The following FECH variants were observed in gnomAD, a reference collection of about 807,000 sequenced individuals.
FECH encodes ferrochelatase, mitochondrial.
Under a neutral mutation model 56.9 loss-of-function variants are expected in FECH, and 40 were observed. That is an observed-to-expected ratio of 0.70 (90% CI 0.55 to 0.92). The LOEUF (loss-of-function observed/expected upper bound fraction) is 0.92. Ranked by LOEUF, FECH falls within the 40% of genes least tolerant of loss-of-function variation. The pLI is 0.00. For missense variants in FECH, 431 were observed against 529.1 expected (o/e 0.81, Z 1.82); for synonymous variants, 175 against 198.6 (o/e 0.88, Z 1.00).
In FECH at chr18:57,586,484, C is replaced by T. The variant is rs534885950; in HGVS notation, c.67+70G>A. ...CCCCCGGGCGCGAGGGCCCGGGCGC[C>T]AGCTGCCCGCTCTGCCCACGCCTTC... On this transcript the variant is annotated intron_variant, in intron 1 of 10. Transcript: ENST00000262093. The T allele has an allele frequency of 4.0e-5, 59 of 1,480,262 alleles. No individual in the cohort carries two copies. The African/African-American group carries it at 8.1e-4, about 20-fold the overall frequency. 91.7% of individuals were successfully genotyped at this position (1,480,262 alleles called of 1,614,324 possible).
chr18:57,570,025 TTGTTGTCGTGTGTGTGTGTGTGTGTG>T (rs1461471247), intron 4 of FECH, among the ~76,000 whole-genome samples: 1 of 113,402 alleles, frequency 8.8e-6, no homozygotes, highest in Non-Finnish European at 1.9e-5. Context: ...GTTGTTGTTG[TTGTTGTCGTGTGTGTGTGTGTGTGTG>T]TGTGTGTGTG....
At chr18:57,581,062 A>G (rs690285) in intron 1 of FECH, among the ~76,000 whole-genome samples, 149,862 of 152,290 alleles carry the variant, frequency 0.98, 73,768 homozygotes, top group East Asian at 1. Context: ...AGAAAGAGCC[A>G]GCGGCAAGAA....
intron 9 of FECH, among the ~76,000 whole-genome samples, chr18:57,553,731 A>G (rs1465741601): frequency 6.6e-6 from 1 of 152,208 alleles, no homozygotes; most frequent in East Asian, 1.9e-4. Flanking sequence ...CAGCTAATTA[A>G]GTGAGTGCAT....
chr18:57,574,659 G>A (rs965482539), intron 2 of FECH, among the ~76,000 whole-genome samples: 1 of 152,274 alleles, frequency 6.6e-6, no homozygotes, highest in African/African-American at 2.4e-5. Context: ...CCCCGCCAGA[G>A]GGCAAGGTGA....
chr18:57,558,027 C>CGAT (rs1389791960), intron 7 of FECH, among the ~76,000 whole-genome samples: 1 of 152,196 alleles, frequency 6.6e-6, no homozygotes, highest in Admixed American at 6.5e-5. Context: ...CCAGCAGAGA[C>CGAT]GATGAGTGGA....
chr18:57,573,466 A>G (rs546610510), intron 2 of FECH, 101 bp from the exon 3 acceptor site: 6 of 1,378,264 alleles, frequency 4.4e-6, no homozygotes, highest in Non-Finnish European at 6.2e-6. Context: ...TTCCATACAA[A>G]GGTAAATACT....
In FECH at chr18:57,550,767, C is replaced by T. The variant is rs1324421474; in HGVS notation, c.1217G>A (p.Cys406Tyr). ...SKQLTLSCPL[C>Y]VNPVCRETKS... ...AGTCTCCCTGCAGACAGGATTGACA[C>T]AGAGCGGACAGCTCAGGGTCAGCTG... is the stretch of plus-strand genomic sequence containing the variant. The change falls in exon 11 of 11, where the codon TGT becomes TAT. Residue 406 changes from cysteine to tyrosine, a missense_variant. By Grantham distance (194) the Cys-to-Tyr change is radical (BLOSUM62 -2). Transcript: ENST00000262093. The T allele has an allele frequency of 3.1e-6, 5 of 1,614,058 alleles. No individual in the cohort carries two copies. Among genetic ancestry groups the T allele is most frequent in the African/African-American group, 1.3e-5 (1 of 74,928 alleles).
chr18:57,553,466 C>G (rs2050826028), intron 9 of FECH, among the ~76,000 whole-genome samples: 1 of 152,150 alleles, frequency 6.6e-6, no homozygotes, highest in Non-Finnish European at 1.5e-5. Context: ...ATCTATCATA[C>G]TTGGGGTGAC....
chr18:57,571,729 T>G, intron 3 of FECH, 189 bp from the exon 4 acceptor site: 1 of 716,922 alleles, frequency 1.4e-6, no homozygotes. Flanking sequence ...GCTAAAGCTA[T>G]ACCCTCTCTG....
At chr18:57,579,018 C>T (rs1353587406) in intron 2 of FECH, among the ~76,000 whole-genome samples, 9 of 147,478 alleles carry the variant, frequency 6.1e-5, no homozygotes, top group Non-Finnish European at 9.0e-5. Flanking sequence ...AAGGCCAAGG[C>T]GGGCGGATCA....
In FECH at chr18:57,571,418, A is replaced by T; in HGVS notation, c.437T>A (p.Leu146Gln). 2 of 1,614,116 alleles carry T rather than the reference A, an allele frequency of 1.2e-6. No homozygotes were observed. Among genetic ancestry groups the T allele is most frequent in the South Asian group, 2.2e-5 (2 of 91,084 alleles). The change falls in exon 4 of 11, where the codon CTG (leucine) becomes CAG (glutamine). Residue 146 changes from leucine (L) to glutamine (Q), a missense_variant. By Grantham distance (113) the Leu-to-Gln change is moderately radical (BLOSUM62 -2). Coordinates refer to ENST00000262093, the MANE Select transcript of FECH (RefSeq NM_000140.5). ...TSKQGEGMVK[L>Q]LDELSPNTAP... The stretch of plus-strand genomic sequence containing the variant: ...TGTGTTGGGGGACAATTCATCCAGC[A>T]GCTTCACCATGCCCTCTCCCTGCTT...
chr18:57,551,272 T>C, intron 10 of FECH, 43 bp downstream of exon 10: 1 of 1,382,014 alleles, frequency 7.2e-7, no homozygotes, highest in African/African-American at 1.4e-5. Flanking sequence ...AGAGGATTAC[T>C]CTCTGGTATG....
chr18:57,578,724 C>T (rs1018078797), intron 2 of FECH, among the ~76,000 whole-genome samples: 3 of 151,772 alleles, frequency 2.0e-5, no homozygotes, highest in Admixed American at 2.0e-4. Flanking sequence ...CTTTGGGAGG[C>T]CAAGGTGGGT....
At chr18:57,580,679 C>T (rs1322598756) in intron 1 of FECH, among the ~76,000 whole-genome samples, 1 of 152,148 alleles carries the variant, frequency 6.6e-6, no homozygotes, top group Non-Finnish European at 1.5e-5. Flanking sequence ...CCCAGTACTG[C>T]CCTTGAACCT....
At chr18:57,569,837 CT>C (rs113125690) in intron 4 of FECH, among the ~76,000 whole-genome samples, 485 of 143,552 alleles carry the variant, frequency 3.4e-3, no homozygotes, top group South Asian at 5.8e-3. Context: ...ATAATAAAAC[CT>C]TTTTTTTTTT....
At chr18:57,562,536 C>G (rs1367116525) in intron 6 of FECH, among the ~76,000 whole-genome samples, 1 of 148,156 alleles carries the variant, frequency 6.7e-6, no homozygotes, top group Non-Finnish European at 1.5e-5. Context: ...ATTCGTTGGT[C>G]AGTCACTCAA....
At chr18:57,563,288 T>C (rs1202980863) in intron 5 of FECH, among the ~76,000 whole-genome samples, 1 of 152,096 alleles carries the variant, frequency 6.6e-6, no homozygotes, top group East Asian at 1.9e-4. Context: ...GTCTTACAAT[T>C]CAAAGTATGT....
In FECH at chr18:57,545,372, A is replaced by G. The variant is rs558327474; in HGVS notation, c.*5340T>C. ...TCCAGCTAAAAACAACGAAGCCGGT[A>G]CTATCACAGTATGTTGTAAGAAACT... On this transcript the variant is annotated 3_prime_UTR_variant, in exon 11 of 11. Transcript: ENST00000262093. Among the ~76,000 whole-genome samples, 43 of 152,380 alleles carry G rather than the reference A, an allele frequency of 2.8e-4. No individual in the cohort carries two copies. Among genetic ancestry groups the G allele is most frequent in the African/African-American group, 9.9e-4 (41 of 41,592 alleles).
intron 1 of FECH, among the ~76,000 whole-genome samples, chr18:57,583,560 A>C (rs1212611944): frequency 6.6e-6 from 1 of 152,264 alleles, no homozygotes; most frequent in Non-Finnish European, 1.5e-5. Flanking sequence ...CATGTGGCTG[A>C]GCAAAGGGGT....
Sources: gnomAD v4.1 joint callset for allele counts (sites outside exome capture counted in the v4.1 genomes callset) on GRCh38, gnomAD v4.1.1 for gene constraint, MANE v1.5 for transcripts, NCBI Gene and HGNC (gene_info 2026-07-23, HGNC 2026-07-21) for gene names.